The following SLC7A1 variants were observed in gnomAD, a reference collection of about 807,000 sequenced individuals.
SLC7A1 encodes the protein high affinity cationic amino acid transporter 1.
SLC7A1 carries 10 observed loss-of-function variants against 53.9 expected under a neutral mutation model. The ratio of observed to expected loss-of-function variants is 0.19; its 90% CI spans 0.11 to 0.31. SLC7A1 has a LOEUF of 0.31. Among genes scored for constraint, SLC7A1 ranks in the 10% least tolerant of loss-of-function variants. The probability of loss-of-function intolerance (pLI) is 1.00; values close to 1 mark genes in which losing one functional copy is unlikely to be tolerated. For missense variants in SLC7A1, 525 were observed against 827.2 expected, an observed-to-expected ratio of 0.63 and a Z score of 4.48; for synonymous variants, 342 against 338.7, an observed-to-expected ratio of 1.01 and a Z score of -0.11.
chr13:29,524,145 G>A lies in SLC7A1; in HGVS notation c.813C>T (p.Cys271=), dbSNP rs1188413417. ...TGGCGGACATACCTGTGGTGGCGATGCAGTCAAAGCCCACGAAGGCATAGA... is the reference window on the plus strand; with the variant it reads ...TGGCGGACATACCTGTGGTGGCGATACAGTCAAAGCCCACGAAGGCATAGA... The part of the protein sequence containing the change: ...TCFYAFVGFD[C]IATTGEEVKN... The change falls in exon 6 of 13, where the codon TGC becomes TGT. Residue 271 remains cysteine, a synonymous_variant. Coordinates refer to ENST00000380752, the MANE Select transcript of SLC7A1 (RefSeq NM_003045.5). 6.2e-7 allele frequency: 1 copy of A among 1,613,458 alleles called. No homozygotes were observed. Among genetic ancestry groups the A allele is most frequent in the Non-Finnish European group, 8.5e-7 (1 of 1,179,872 alleles).
At chr13:29,543,988 GC>G (rs935245664) in intron 2 of SLC7A1, among the ~76,000 whole-genome samples, 4 of 152,126 alleles carry the variant, frequency 2.6e-5, no homozygotes, top group African/African-American at 9.7e-5. Flanking sequence ...GCCAACAGAG[GC>G]CCCAGTGCAG....
intron 2 of SLC7A1, among the ~76,000 whole-genome samples, chr13:29,552,498 C>T (rs1870245752): frequency 6.6e-6 from 1 of 152,188 alleles, no homozygotes; most frequent in Non-Finnish European, 1.5e-5. Context: ...CTCTGCAGCA[C>T]TGTGACATGT....
chr13:29,547,017 G>A (rs1399755188), intron 2 of SLC7A1, among the ~76,000 whole-genome samples: 1 of 152,198 alleles, frequency 6.6e-6, no homozygotes, highest in Admixed American at 6.5e-5. Flanking sequence ...TAATAGTGAA[G>A]CCAGGATTTG....
At chr13:29,531,662 ACC>A (rs1240465974) in intron 4 of SLC7A1, among the ~76,000 whole-genome samples, 1 of 152,084 alleles carries the variant, frequency 6.6e-6, no homozygotes, top group Non-Finnish European at 1.5e-5. Context: ...GCAAAACCTT[ACC>A]TCTACTAAAA....
intron 1 of SLC7A1, among the ~76,000 whole-genome samples, chr13:29,583,059 A>G (rs535886368): frequency 1.4e-4 from 21 of 152,270 alleles, no homozygotes; most frequent in Admixed American, 1.3e-3. Flanking sequence ...TCTTATCCCC[A>G]GGTTTAACTT....
intron 3 of SLC7A1, among the ~76,000 whole-genome samples, chr13:29,535,539 A>C (rs2139103833): frequency 6.6e-6 from 1 of 152,314 alleles, no homozygotes; most frequent in South Asian, 2.1e-4. Flanking sequence ...GAATGAGAGA[A>C]TTAGTTTCTC....
At position 29,565,166 on chromosome 13, in the gene SLC7A1, G is replaced by A. The variant is rs78962777; in HGVS notation, c.-114-11306C>T. On this transcript the variant is annotated intron_variant, in intron 1 of 12. Transcript: ENST00000380752. ...AGACTGTGGCATCCATCCTGAATTA[G>A]GATATTGATGTTTCTGTCTGCCAGT... Among the ~76,000 whole-genome samples the A allele has an allele frequency of 3.8e-3, 578 of 152,288 alleles. 30 individuals are homozygous for A. In the East Asian group the frequency reaches 0.1, roughly 27 times the overall value.
chr13:29,582,587 G>A (rs1871694999), intron 1 of SLC7A1, among the ~76,000 whole-genome samples: 2 of 152,210 alleles, frequency 1.3e-5, no homozygotes, highest in Admixed American at 6.5e-5. Context: ...AGGTCTCCCT[G>A]CAGTTGTTCC....
intron 6 of SLC7A1, 55 bp downstream of exon 6, chr13:29,524,077 G>A (rs1647986078): frequency 1.9e-6 from 3 of 1,578,852 alleles, no homozygotes; most frequent in Non-Finnish European, 1.7e-6. Flanking sequence ...GCAAGCATTG[G>A]CTTGTTTGCC....
At chr13:29,527,771 C>A (rs1868964352) in intron 5 of SLC7A1, among the ~76,000 whole-genome samples, 1 of 152,240 alleles carries the variant, frequency 6.6e-6, no homozygotes, top group Non-Finnish European at 1.5e-5. Context: ...CAGTGGTGAA[C>A]TTCCTGCAGC....
rs1254651618 is a variant in SLC7A1 at position 29,511,231 on chromosome 13, A to C, written c.*3249T>G. 1 of 152,284 alleles carries C rather than the reference A, an allele frequency of 6.6e-6. No individual in the cohort carries two copies. Among genetic ancestry groups the C allele is most frequent in the Non-Finnish European group, 1.5e-5 (1 of 68,152 alleles). 9.4% of individuals were successfully genotyped at this position (152,284 alleles called of 1,614,324 possible). A position where few individuals can be genotyped will look rare whatever the true frequency, so the allele number is the denominator to read the frequency against. On this transcript the variant is annotated 3_prime_UTR_variant, in exon 13 of 13. Coordinates refer to ENST00000380752, the MANE Select transcript of SLC7A1 (RefSeq NM_003045.5). ...CCGCTGCCCCCACCATCCTGCGGTC[A>C]CCCCTGGACTCGTATTGGATCCTGG...
At chr13:29,531,510 A>G (rs531068624) in intron 4 of SLC7A1, among the ~76,000 whole-genome samples, 1 of 152,264 alleles carries the variant, frequency 6.6e-6, no homozygotes, top group African/African-American at 2.4e-5. Context: ...AGGATTTGAG[A>G]CCACTGCTCT....
chr13:29,540,767 C>T (rs901080608), intron 2 of SLC7A1, among the ~76,000 whole-genome samples: 2 of 152,256 alleles, frequency 1.3e-5, no homozygotes, highest in Non-Finnish European at 1.5e-5. Context: ...TTTCTCCAGG[C>T]ACCTGGTGGG....
chr13:29,528,514 T>C (rs1359906782), intron 5 of SLC7A1, among the ~76,000 whole-genome samples: 2 of 152,094 alleles, frequency 1.3e-5, no homozygotes, highest in African/African-American at 4.8e-5. Flanking sequence ...AAGCGGAAGC[T>C]CCTGCATGTT....
At chr13:29,579,347 T>A (rs1430147620) in intron 1 of SLC7A1, among the ~76,000 whole-genome samples, 2 of 150,056 alleles carry the variant, frequency 1.3e-5, no homozygotes, top group Non-Finnish European at 2.9e-5. Context: ...CATGAATGGA[T>A]AAGCATCCAC....
At chr13:29,577,907 T>C (rs280927) in intron 1 of SLC7A1, among the ~76,000 whole-genome samples, 147,983 of 152,172 alleles carry the variant, frequency 0.97, 72,091 homozygotes, top group East Asian at 1. Flanking sequence ...CTTCTGGAGC[T>C]CGAGACCCTC....
At chr13:29,570,638 G>C (rs1218689526) in intron 1 of SLC7A1, among the ~76,000 whole-genome samples, 1 of 152,156 alleles carries the variant, frequency 6.6e-6, no homozygotes, top group Non-Finnish European at 1.5e-5. Flanking sequence ...GATGGCTTGA[G>C]CCCCGGAGTT....
chr13:29,517,633 T>G lies in SLC7A1; in HGVS notation c.1450A>C (p.Lys484Gln). 6.2e-7 allele frequency: 1 copy of G among 1,614,222 alleles called. No homozygotes were observed. The highest frequency in any genetic ancestry group is 8.5e-7 in the Non-Finnish European group (1 of 1,180,024). ...MFSLKTILSP[K>Q]NMEPSKISGL... ...GAGATTTTGGAAGGCTCCATGTTTTTGGGTGAGAGTATGGTTTTCAAAGAG... is the reference window on the plus strand; with the variant it reads ...GAGATTTTGGAAGGCTCCATGTTTTGGGGTGAGAGTATGGTTTTCAAAGAG... The change falls in exon 10 of 13, where the codon AAA (lysine) becomes CAA (glutamine). Residue 484 changes from lysine (K) to glutamine (Q), a missense_variant. Physicochemically the swap from Lys to Gln is moderately conservative, Grantham distance 53. Around this residue, in one of 4 missense-constraint regions of SLC7A1, gnomAD observed 122 missense variants for 140.9 expected, o/e 0.87. Coordinates refer to ENST00000380752, the MANE Select transcript of SLC7A1 (RefSeq NM_003045.5).
intron 2 of SLC7A1, among the ~76,000 whole-genome samples, chr13:29,544,868 G>GGT (rs1869839993): frequency 1.3e-4 from 1 of 7,738 alleles, no homozygotes; most frequent in Non-Finnish European, 0.011. Flanking sequence ...CTGCCTCATC[G>GGT]GGGGGGGGGG....
Sources: allele counts gnomAD v4.1 joint callset (sites outside exome capture counted in the v4.1 genomes callset), GRCh38; gene constraint gnomAD v4.1.1; regional missense constraint gnomAD v4.1.1; transcripts MANE v1.5; gene names NCBI Gene and HGNC (gene_info 2026-07-23, HGNC 2026-07-21).